TBRG1: variants seen among roughly 807,000 people sequenced by gnomAD.
TBRG1 encodes transforming growth factor beta regulator 1.
In TBRG1, 31 loss-of-function variants were observed where a neutral mutation model predicts 44.0. The observed-to-expected ratio is 0.70, with a 90% confidence interval of 0.53 to 0.95. The LOEUF (loss-of-function observed/expected upper bound fraction) is 0.95. Ranked by LOEUF, TBRG1 falls within the 40% of genes least tolerant of loss-of-function variation. TBRG1 has a pLI of 0.00. For synonymous variants in TBRG1, 171 were observed against 188.1 expected (o/e 0.91, Z 0.74); for missense variants, 487 against 496.1 (o/e 0.98, Z 0.18).
rs1230396657 is a variant in TBRG1, at chr11:124,635,745, T to C, written c.*3507T>C. On this transcript the variant is annotated 3_prime_UTR_variant, in exon 9 of 9. Transcript: ENST00000441174. ...CCCATAGATAGTATTCTTACTCCTT[T>C]TCACATGCTTCAAGGACAGTTTGCA... is the stretch of plus-strand genomic sequence containing the variant. 6.6e-6 allele frequency: 1 copy of C among 152,222 alleles called. No homozygotes were observed. The highest frequency in any genetic ancestry group is 1.5e-5 in the Non-Finnish European group (1 of 68,042). The allele number at this position is 152,222 out of a possible 1,614,324, so 9.4% of individuals were successfully genotyped here.
intron 3 of TBRG1, among the ~76,000 whole-genome samples, chr11:124,626,104 G>A (rs1203637889): frequency 2.0e-5 from 3 of 152,190 alleles, no homozygotes; most frequent in African/African-American, 7.2e-5. Context: ...GCTAGACTTC[G>A]TTAAATGCAA....
intron 2 of TBRG1, 113 bp downstream of exon 2, chr11:124,625,114 G>A (rs766110252): frequency 3.8e-5 from 27 of 718,654 alleles, no homozygotes; most frequent in East Asian, 8.3e-5. Flanking sequence ...GATGCGTATC[G>A]CACAGCCCCT....
At chr11:124,630,353 G>C in intron 5 of TBRG1, 35 bp from the exon 6 acceptor site, 1 of 1,364,902 alleles carries the variant, frequency 7.3e-7, no homozygotes, top group Non-Finnish European at 1.0e-6. Context: ...CTTCCTTCTT[G>C]AGGATTGATC....
At chr11:124,627,841 T>C (rs956231478) in intron 5 of TBRG1, among the ~76,000 whole-genome samples, 2 of 151,978 alleles carry the variant, frequency 1.3e-5, no homozygotes, top group Non-Finnish European at 2.9e-5. Context: ...TTATAATACA[T>C]CTTTAAATGC....
intron 2 of TBRG1, 66 bp from the exon 3 acceptor site, chr11:124,625,605 G>C: frequency 1.4e-6 from 2 of 1,413,076 alleles, no homozygotes; most frequent in South Asian, 1.4e-5. Flanking sequence ...CCCAGTACTT[G>C]AGTAAAATAC....
rs1448361334 is a variant in TBRG1 at position 124,626,628 on chromosome 11, A to G, written c.591+19A>G. 6 of 1,551,292 alleles carry G rather than the reference A, an allele frequency of 3.9e-6. No individual in the cohort carries two copies. The African/African-American group carries it at 5.5e-5, about 14-fold the overall frequency. On this transcript the variant is annotated intron_variant, in intron 4 of 8. Coordinates refer to ENST00000441174, the MANE Select transcript of TBRG1 (RefSeq NM_032811.3). ...GGGGGAGGTGAGTGAGACCAGCGAT[A>G]TATAGAGAGGAGAATCAGGGAAATA...
At chr11:124,628,275 T>C (rs1942529465) in intron 5 of TBRG1, among the ~76,000 whole-genome samples, 2 of 150,200 alleles carry the variant, frequency 1.3e-5, no homozygotes, top group South Asian at 4.2e-4. Context: ...ATAAATATGT[T>C]AAAGGAAAAT....
rs972318039 is a variant in TBRG1 at position 124,635,809 on chromosome 11, TTTTA to T, written c.*3579_*3582del. The T allele has an allele frequency of 6.6e-5, 10 of 152,216 alleles. No homozygotes were observed. Among genetic ancestry groups the T allele is most frequent in the African/African-American group, 2.4e-4 (10 of 41,458 alleles). 9.4% of individuals were successfully genotyped at this position (152,216 alleles called of 1,614,324 possible). ...ACATACACATCACTAGTGATTATGCTTTTATTTATTTCCAACTTCTTATAGGTAA... is the reference window on the plus strand; with the variant it reads ...ACATACACATCACTAGTGATTATGCTTTTATTTCCAACTTCTTATAGGTAA... On this transcript the variant is annotated 3_prime_UTR_variant, in exon 9 of 9. Coordinates refer to ENST00000441174, the MANE Select transcript of TBRG1 (RefSeq NM_032811.3).
intron 8 of TBRG1, 37 bp from the exon 9 acceptor site, chr11:124,632,056 C>T (rs778897120): frequency 2.6e-5 from 42 of 1,607,110 alleles, no homozygotes; most frequent in African/African-American, 5.3e-5. Flanking sequence ...CCCAGACTCC[C>T]GAGCAGCAGT....
chr11:124,630,982 CA>C, intron 7 of TBRG1, 127 bp downstream of exon 7: 1 of 736,744 alleles, frequency 1.4e-6, no homozygotes, highest in African/African-American at 1.8e-5. Context: ...CAGTAGGGCT[CA>C]GTATTGGCCC....
chr11:124,627,147 TA>T, intron 5 of TBRG1, 97 bp downstream of exon 5: 1 of 889,590 alleles, frequency 1.1e-6, no homozygotes. Context: ...TAGATATGTA[TA>T]ATCACCATTT....
chr11:124,632,189 A>G lies in TBRG1; in HGVS notation c.1187A>G (p.Gln396Arg). The change falls in exon 9 of 9, where the codon CAG becomes CGG. Residue 396 changes from glutamine (Q) to arginine (R), a missense_variant. Coordinates refer to ENST00000441174, the MANE Select transcript of TBRG1 (RefSeq NM_032811.3). Reference protein sequence around the residue: ...THEPLVDTHLQHLKSPSQGSP... With the variant: ...THEPLVDTHLRHLKSPSQGSP... ...GAACCCTTGGTAGATACTCACCTGC[A>G]GCACTTGAAGTCTCCATCACAGGGT... 3 of 1,613,862 alleles carry G rather than the reference A, an allele frequency of 1.9e-6. No homozygotes were observed. The highest frequency in any genetic ancestry group is 1.7e-4 in the Middle Eastern group (1 of 6,060).
Position 124,635,591 on chromosome 11 carries a change from A to G in TBRG1, c.*3353A>G, listed in dbSNP as rs545186820. On this transcript the variant is annotated 3_prime_UTR_variant, in exon 9 of 9. Transcript: ENST00000441174. ...ATTCAGCCACTAAAAATAAATTTACATATGATTTCATTAATATATTCACTA... is the reference window on the plus strand; with the variant it reads ...ATTCAGCCACTAAAAATAAATTTACGTATGATTTCATTAATATATTCACTA... The G allele has an allele frequency of 4.6e-5, 7 of 152,352 alleles. No individual in the cohort carries two copies. The highest frequency in any genetic ancestry group is 8.8e-5 in the Non-Finnish European group (6 of 68,032). The allele number at this position is 152,352 out of a possible 1,614,324, so 9.4% of individuals were successfully genotyped here.
chr11:124,628,110 TATATATACAC>T (rs1565400559), intron 5 of TBRG1, among the ~76,000 whole-genome samples: 9 of 53,122 alleles, frequency 1.7e-4, no homozygotes, highest in African/African-American at 2.9e-4. Context: ...TATATATATA[TATATATACAC>T]ACACACACAC....
In TBRG1 at chr11:124,623,114, C is replaced by G. The variant is rs575504689; in HGVS notation, c.31C>G (p.Pro11Ala). The G allele has an allele frequency of 6.4e-7, 1 of 1,551,050 alleles. No individual in the cohort carries two copies. The highest frequency in any genetic ancestry group is 8.7e-7 in the Non-Finnish European group (1 of 1,146,892). The change falls in exon 1 of 9, where the codon CCG (proline) becomes GCG (alanine). Residue 11 changes from proline to alanine, a missense_variant. Pro to Ala is a conservative substitution (Grantham distance 27, BLOSUM62 -1). Transcript: ENST00000441174. ...CCTGCTGGACGGCCTCGCTTCCTCG[C>G]CGCGGGCTCCGCTGCAGTCCAGCAA... MSLLDGLASS[P>A]RAPLQSSKAR... is the part of the protein sequence containing the mutation.
Position 124,630,438 on chromosome 11 carries a change from T to C in TBRG1, c.789T>C (p.Ser263=), listed in dbSNP as rs2134335446. The C allele has an allele frequency of 6.2e-7, 1 of 1,613,956 alleles. No individual in the cohort carries two copies. Among genetic ancestry groups the C allele is most frequent in the Non-Finnish European group, 8.5e-7 (1 of 1,179,832 alleles). ...CCCAGAATGCCATTGTCAGCTCTTC[T>C]GCAGATGCTTGTCATGCAGAACTGC... ...DDPQNAIVSS[S]ADACHAELLR... is the part of the protein sequence containing the mutation. The change falls in exon 6 of 9, where the codon TCT becomes TCC. Residue 263 remains serine (S), a synonymous_variant. Coordinates refer to ENST00000441174, the MANE Select transcript of TBRG1 (RefSeq NM_032811.3).
intron 1 of TBRG1, among the ~76,000 whole-genome samples, chr11:124,623,764 A>G (rs1459584804): frequency 1.3e-5 from 2 of 152,180 alleles, no homozygotes; most frequent in Non-Finnish European, 2.9e-5. Flanking sequence ...ACTGTCAGTA[A>G]TTTCCCCCCT....
In TBRG1 at chr11:124,626,520, A is replaced by C; in HGVS notation, c.502A>C (p.Lys168Gln). 6.5e-7 allele frequency: 1 copy of C among 1,550,358 alleles called. No homozygotes were observed. The highest frequency in any genetic ancestry group is 8.7e-7 in the Non-Finnish European group (1 of 1,146,378). Residue 168 changes from lysine to glutamine, a missense_variant, in exon 4 of 9, where the codon AAG (lysine) becomes CAG (glutamine). Physicochemically the swap from Lys to Gln is moderately conservative, Grantham distance 53. Transcript: ENST00000441174. ...KKKKMAGGAR[K>Q]LVQPIALDPS... ...AAAGAAAATGGCGGGAGGTGCTCGC[A>C]AGCTGGTTCAGCCCATTGCCCTGGA... is the stretch of plus-strand genomic sequence containing the variant.
intron 1 of TBRG1, 31 bp from the exon 2 acceptor site, chr11:124,624,900 T>C (rs760098386): frequency 1.4e-6 from 2 of 1,380,592 alleles, no homozygotes; most frequent in Non-Finnish European, 1.0e-6. Context: ...TTATTCATTT[T>C]ATGTTATTAT....
Sources: allele counts gnomAD v4.1 joint callset (sites outside exome capture counted in the v4.1 genomes callset), GRCh38; gene constraint gnomAD v4.1.1; transcripts MANE v1.5; gene names NCBI Gene and HGNC (gene_info 2026-07-23, HGNC 2026-07-21).